MYH9: variants seen among roughly 807,000 people sequenced by gnomAD.
MYH9 encodes myosin heavy chain 9.
A neutral mutation model predicts 241.9 loss-of-function variants in MYH9; 29 were observed. The observed-to-expected ratio is 0.12, with a 90% CI of 0.09 to 0.16. The LOEUF (loss-of-function observed/expected upper bound fraction) is 0.16, where lower values mean the gene tolerates loss of function less well. MYH9 is among the 10% of genes least tolerant of loss of function. The pLI is 1.00. For synonymous variants in MYH9, 1,047 were observed against 1,062.6 expected (o/e 0.99, Z 0.29); for missense variants, 1,803 against 2,595.5 (o/e 0.69, Z 6.63).
intron 18 of MYH9, among the ~76,000 whole-genome samples, chr22:36,304,559 C>G (rs1182859697): frequency 6.6e-6 from 1 of 152,234 alleles, no homozygotes; most frequent in African/African-American, 2.4e-5. Context: ...CACTGAGTCA[C>G]CGCAGGGCTT....
rs1384157650 is a variant in MYH9, at chr22:36,329,281, A to T, written c.491-1793T>A. ...CTCCCCCTTGCCTTTCTCAAAAAAC[A>T]CGAGTCCTTCAAGCCTGCACAGCGA... is the stretch of plus-strand genomic sequence containing the variant. On this transcript the variant is annotated intron_variant, in intron 3 of 40. Transcript: ENST00000216181. This position sits in a 1 kb window ranked among gnomAD's most constrained non-coding sequence, Gnocchi z 4.1. 9.1e-6 allele frequency among the ~76,000 whole-genome samples: 1 copy of T among 109,620 alleles called. No individual in the cohort carries two copies. Among genetic ancestry groups the T allele is most frequent in the East Asian group, 2.0e-4 (1 of 4,998 alleles). 71.9% of individuals were successfully genotyped at this position (109,620 alleles called of 152,430 possible). A position where few individuals can be genotyped will look rare whatever the true frequency, so the allele number is the denominator to read the frequency against.
chr22:36,288,196 T>C lies in MYH9; in HGVS notation c.4932+56A>G, dbSNP rs2016620465. 3.1e-6 allele frequency: 5 copies of C among 1,605,162 alleles called. No individual in the cohort carries two copies. Among genetic ancestry groups the C allele is most frequent in the Non-Finnish European group, 4.2e-6 (5 of 1,176,530 alleles). On this transcript the variant is annotated intron_variant, in intron 34 of 40. Transcript: ENST00000216181. This position sits in a 1 kb window ranked among gnomAD's most constrained non-coding sequence, Gnocchi z 4.8. ...TGGGCCGAGCCCTGGCACCTTCATA[T>C]GTAGTTGGCTCAGTCGGGTGCCGCC... is the stretch of plus-strand genomic sequence containing the variant.
chr22:36,322,574 A>T (rs1157159977), intron 5 of MYH9, 53 bp from the exon 6 acceptor site: 4 of 1,555,294 alleles, frequency 2.6e-6, no homozygotes, highest in Non-Finnish European at 3.5e-6. Flanking sequence ...TGGGCTGCCG[A>T]GCCTGCCCTG....
chr22:36,293,617 G>T lies in MYH9; in HGVS notation c.3943-136C>A. Reference sequence around the variant, plus strand: ...GCCACGTAAAGACCTGGAGGGAGCTGGGAGGACGCAGAGACCCACCCACAG... The same window carrying T: ...GCCACGTAAAGACCTGGAGGGAGCTTGGAGGACGCAGAGACCCACCCACAG... On this transcript the variant is annotated intron_variant, in intron 29 of 40. Coordinates refer to ENST00000216181, the MANE Select transcript of MYH9 (RefSeq NM_002473.6). This position sits in a 1 kb window ranked among gnomAD's most constrained non-coding sequence, Gnocchi z 5.1. 7.2e-7 allele frequency: 1 copy of T among 1,394,938 alleles called. No individual in the cohort carries two copies. The highest frequency in any genetic ancestry group is 1.0e-6 in the Non-Finnish European group (1 of 997,136). The allele number at this position is 1,394,938 out of a possible 1,614,324, so 86.4% of individuals were successfully genotyped here. A position where few individuals can be genotyped will look rare whatever the true frequency, so the allele number is the denominator to read the frequency against.
At chr22:36,349,290 C>T in intron 1 of MYH9, 35 bp from the exon 2 acceptor site, 1 of 1,498,884 alleles carries the variant, frequency 6.7e-7, no homozygotes, top group African/African-American at 1.4e-5. Context: ...ACATTACATA[C>T]AACTACGTCA....
In MYH9 at chr22:36,288,996, C is replaced by T. The variant is rs762896368; in HGVS notation, c.4558-57G>A. On this transcript the variant is annotated intron_variant, in intron 32 of 40. Transcript: ENST00000216181. The surrounding 1 kb of genome is among the most constrained non-coding windows in gnomAD (Gnocchi z 4.8). ...AGGGACTGGCAGGTACCTGGGTCTG[C>T]GCGACCCGGAGTCTGTGCACACACC... The T allele has an allele frequency of 5.8e-5, 94 of 1,611,718 alleles. No individual in the cohort carries two copies. Among genetic ancestry groups the T allele is most frequent in the African/African-American group, 9.3e-5 (7 of 74,890 alleles).
Position 36,300,419 on chromosome 22 carries a change from C to T in MYH9, c.2839-155G>A, listed in dbSNP as rs893536360. Among the ~76,000 whole-genome samples the T allele has an allele frequency of 6.6e-6, 1 of 152,216 alleles. No homozygotes were observed. Among genetic ancestry groups the T allele is most frequent in the African/African-American group, 2.4e-5 (1 of 41,450 alleles). Reference sequence around the variant, plus strand: ...GCTGAGGTGGGGACGGCAAGGTCCGCCAGCCCAGGGCCACAGCCGAGGCAG... The same window carrying T: ...GCTGAGGTGGGGACGGCAAGGTCCGTCAGCCCAGGGCCACAGCCGAGGCAG... On this transcript the variant is annotated intron_variant, in intron 22 of 40. Transcript: ENST00000216181. The surrounding 1 kb of genome is among the most constrained non-coding windows in gnomAD (Gnocchi z 5.0).
Position 36,286,822 on chromosome 22 carries a change from C to G in MYH9, c.4957G>C (p.Glu1653Gln), listed in dbSNP as rs375322236. The G allele has an allele frequency of 1.5e-5, 24 of 1,610,062 alleles. No individual in the cohort carries two copies. Among genetic ancestry groups the G allele is most frequent in the Non-Finnish European group, 1.9e-5 (22 of 1,180,020 alleles). Reference protein sequence around the residue: ...LQAQMKDCMRELDDTRASREE... With the variant: ...LQAQMKDCMRQLDDTRASREE... ...CGAGAGGCGCGGGTGTCATCCAGCT[C>G]GCGCATGCAGTCCTTCATCTGGGCC... Residue 1653 changes from glutamate to glutamine, a missense_variant, in exon 35 of 41, where the codon GAG becomes CAG. Physicochemically the swap from Glu to Gln is conservative, Grantham distance 29. Around this residue, in one of 11 missense-constraint regions of MYH9, gnomAD observed 876 missense variants for 1,077.8 expected, o/e 0.81. Transcript: ENST00000216181.
intron 11 of MYH9, 45 bp from the exon 12 acceptor site, chr22:36,316,714 T>G: frequency 6.2e-7 from 1 of 1,611,364 alleles, no homozygotes; most frequent in Non-Finnish European, 8.5e-7. Flanking sequence ...ACAAAGGATC[T>G]GAAAACCCTC....
At chr22:36,301,977 G>A (rs949161147) in intron 20 of MYH9, among the ~76,000 whole-genome samples, 2 of 152,088 alleles carry the variant, frequency 1.3e-5, no homozygotes, top group African/African-American at 4.8e-5. Context: ...TGTTCCCTAG[G>A]GAACAGCACA....
At chr22:36,362,050 C>A (rs1186243886) in intron 1 of MYH9, among the ~76,000 whole-genome samples, 1 of 152,102 alleles carries the variant, frequency 6.6e-6, no homozygotes, top group African/African-American at 2.4e-5. Flanking sequence ...GCCTGGGGGA[C>A]AGAGCGAGAC....
rs940295533 is a variant in MYH9, at chr22:36,346,205, T to C, written c.333+2699A>G. 4.0e-5 allele frequency among the ~76,000 whole-genome samples: 6 copies of C among 151,156 alleles called. No individual in the cohort carries two copies. In the East Asian group the frequency reaches 9.7e-4, roughly 24 times the overall value. The stretch of plus-strand genomic sequence containing the variant: ...TGTAAAGGAGACTGTTCCACATATC[T>C]ACTTGTTGATAGGTCTTTGATGAGC... On this transcript the variant is annotated intron_variant, in intron 2 of 40. Coordinates refer to ENST00000216181, the MANE Select transcript of MYH9 (RefSeq NM_002473.6).
chr22:36,325,681 C>G (rs1364773716), intron 5 of MYH9, among the ~76,000 whole-genome samples: 1 of 152,200 alleles, frequency 6.6e-6, no homozygotes, highest in Admixed American at 6.5e-5. Flanking sequence ...GAGCGGAGTC[C>G]CCATCCACCG....
intron 1 of MYH9, among the ~76,000 whole-genome samples, chr22:36,350,764 A>G (rs1215184349): frequency 6.6e-6 from 1 of 152,110 alleles, no homozygotes; most frequent in East Asian, 1.9e-4. Context: ...CACGACTAAC[A>G]CCATCGTTAT....
In MYH9 at chr22:36,336,939, C is replaced by A. The variant is rs182554550; in HGVS notation, c.490+4431G>T. Among the ~76,000 whole-genome samples the A allele has an allele frequency of 2.4e-3, 359 of 152,368 alleles. 2 individuals carry two copies. The highest frequency in any genetic ancestry group is 7.6e-3 in the African/African-American group (318 of 41,586). ...CTCCTGGCATTCTGGCACCTTCTGT[C>A]ACCTACCTCCACGGCCTAATCCAAG... On this transcript the variant is annotated intron_variant, in intron 3 of 40. Transcript: ENST00000216181.
intron 3 of MYH9, among the ~76,000 whole-genome samples, chr22:36,334,407 C>A (rs2146377464): frequency 6.6e-6 from 1 of 152,336 alleles, no homozygotes; most frequent in South Asian, 2.1e-4. Flanking sequence ...TGCAGAAGAA[C>A]CAACTCTGGA....
chr22:36,341,595 G>A, intron 2 of MYH9, 69 bp from the exon 3 acceptor site: 1 of 1,569,932 alleles, frequency 6.4e-7, no homozygotes, highest in Non-Finnish European at 8.7e-7. Context: ...AAACTTTGTA[G>A]CAAAATATCT....
intron 1 of MYH9, among the ~76,000 whole-genome samples, chr22:36,358,725 T>C (rs1426037583): frequency 6.6e-6 from 1 of 152,194 alleles, no homozygotes; most frequent in Non-Finnish European, 1.5e-5. Flanking sequence ...CCCTCCCTTC[T>C]GGACTGCTCC....
intron 34 of MYH9, among the ~76,000 whole-genome samples, chr22:36,287,919 G>C (rs116983167): frequency 6.6e-6 from 1 of 152,350 alleles, no homozygotes; most frequent in East Asian, 1.9e-4. Flanking sequence ...AGCCCAGAAG[G>C]CTGAAGGGTG....
Sources: allele counts gnomAD v4.1 joint callset (sites outside exome capture counted in the v4.1 genomes callset), GRCh38; gene constraint gnomAD v4.1.1; regional missense constraint gnomAD v4.1.1; non-coding constraint Gnocchi (gnomAD v3.1); transcripts MANE v1.5; gene names NCBI Gene and HGNC (gene_info 2026-07-23, HGNC 2026-07-21).